Variants in MEGF9 observed in about 807,000 individuals in gnomAD.
MEGF9 encodes the protein multiple EGF like domains 9, also known as multiple epidermal growth factor-like domains protein 9.
In MEGF9, 6 loss-of-function variants were observed where a neutral mutation model predicts 46.8. The observed-to-expected ratio is 0.13, with a 90% CI of 0.07 to 0.25. The LOEUF is 0.25. MEGF9 is among the 10% of genes least tolerant of loss of function. The pLI is 1.00. For missense variants in MEGF9, 683 were observed against 792.4 expected (o/e 0.86, Z 1.66); for synonymous variants, 302 against 330.7 (o/e 0.91, Z 0.94).
chr9:120,647,950 T>C (rs190543187), intron 2 of MEGF9, among the ~76,000 whole-genome samples: 54 of 152,336 alleles, frequency 3.5e-4, no homozygotes, highest in Middle Eastern at 3.4e-3. Flanking sequence ...TCTCTCTCCA[T>C]AGACAAGCAA....
chr9:120,696,997 GAGA>G (rs1260510254), intron 1 of MEGF9, among the ~76,000 whole-genome samples: 1 of 152,210 alleles, frequency 6.6e-6, no homozygotes, highest in African/African-American at 2.4e-5. Context: ...TGAGTAAGGA[GAGA>G]AGTTTACAAA....
intron 1 of MEGF9, among the ~76,000 whole-genome samples, chr9:120,696,546 A>T (rs1289830026): frequency 6.6e-6 from 1 of 152,114 alleles, no homozygotes; most frequent in Non-Finnish European, 1.5e-5. Context: ...GTATCTGACA[A>T]AGAGTAACCT....
chr9:120,653,388 T>C (rs1234942071), intron 2 of MEGF9, among the ~76,000 whole-genome samples: 1 of 151,428 alleles, frequency 6.6e-6, no homozygotes, highest in African/African-American at 2.4e-5. Context: ...ATTTTTTTTT[T>C]TGAGACAGGG....
intron 1 of MEGF9, among the ~76,000 whole-genome samples, chr9:120,699,910 T>C (rs1224718805): frequency 2.0e-5 from 3 of 152,148 alleles, no homozygotes; most frequent in African/African-American, 7.2e-5. Context: ...AACACCATAA[T>C]TGTTAAATTA....
rs1332904158 is a variant in MEGF9, at chr9:120,640,848, A to G, written c.804-18093T>C. Among the ~76,000 whole-genome samples, 19 of 142,782 alleles carry G rather than the reference A, an allele frequency of 1.3e-4. No individual in the cohort carries two copies. The Admixed American group carries it at 1.4e-3, about 10-fold the overall frequency. 93.7% of individuals were successfully genotyped at this position (142,782 alleles called of 152,430 possible). A position where few individuals can be genotyped will look rare whatever the true frequency, so the allele number is the denominator to read the frequency against. On this transcript the variant is annotated intron_variant, in intron 2 of 5. Coordinates refer to ENST00000373930, the MANE Select transcript of MEGF9 (RefSeq NM_001080497.3). Reference sequence around the variant, plus strand: ...CCAATAGGTAGTTTTTCAACCCTTTACCCCCCGCCCACCCTCCCCCTTCTA... The same window carrying G: ...CCAATAGGTAGTTTTTCAACCCTTTGCCCCCCGCCCACCCTCCCCCTTCTA...
intron 1 of MEGF9, among the ~76,000 whole-genome samples, chr9:120,661,508 C>T (rs796769371): frequency 4.5e-4 from 68 of 152,260 alleles, no homozygotes; most frequent in African/African-American, 1.6e-3. Context: ...CAGAGTGAGA[C>T]CTGTCTCATA....
intron 1 of MEGF9, among the ~76,000 whole-genome samples, chr9:120,686,321 G>A (rs2043821973): frequency 1.3e-5 from 2 of 152,100 alleles, no homozygotes; most frequent in South Asian, 2.1e-4. Context: ...CTCGTGATCC[G>A]CCTGCCTCGG....
chr9:120,690,466 CTAA>C (rs1356995929), intron 1 of MEGF9, among the ~76,000 whole-genome samples: 1 of 152,096 alleles, frequency 6.6e-6, no homozygotes, highest in African/African-American at 2.4e-5. Flanking sequence ...CTCTAAAAGA[CTAA>C]TGTTTTGTAT....
At chr9:120,681,899 G>T (rs529227665) in intron 1 of MEGF9, among the ~76,000 whole-genome samples, 1 of 152,300 alleles carries the variant, frequency 6.6e-6, no homozygotes, top group South Asian at 2.1e-4. Flanking sequence ...AGGGACTTGG[G>T]TGCAAATCTG....
intron 2 of MEGF9, among the ~76,000 whole-genome samples, chr9:120,651,719 C>T (rs1215255476): frequency 2.7e-5 from 4 of 148,266 alleles, no homozygotes; most frequent in African/African-American, 1.0e-4. Context: ...ATGGCATGAT[C>T]TCGGCACACT....
At chr9:120,688,862 G>A (rs2043835978) in intron 1 of MEGF9, among the ~76,000 whole-genome samples, 1 of 152,158 alleles carries the variant, frequency 6.6e-6, no homozygotes. Flanking sequence ...ATGAATAGAA[G>A]ATAGAAAAAT....
chr9:120,714,014 G>A lies in MEGF9; in HGVS notation c.345C>T (p.Thr115=). Residue 115 remains threonine, a synonymous_variant, in exon 1 of 6, where the codon ACC becomes ACT. Transcript: ENST00000373930. ...GCGAGGGGCCGAGCGGCGCCTGAAA[G>A]GTGGTGGAAGAGGGTCCAGCAGTCG... The part of the protein sequence containing the change: ...LWATAGPSST[T]FQAPLGPSPT... 7.2e-7 allele frequency: 1 copy of A among 1,381,016 alleles called. No individual in the cohort carries two copies. Among genetic ancestry groups the A allele is most frequent in the Non-Finnish European group, 9.4e-7 (1 of 1,063,170 alleles). The allele number at this position is 1,381,016 out of a possible 1,614,324, so 85.5% of individuals were successfully genotyped here. A position where few individuals can be genotyped will look rare whatever the true frequency, so the allele number is the denominator to read the frequency against.
In MEGF9 at chr9:120,644,983, C is replaced by G. The variant is rs535381633; in HGVS notation, c.803+14391G>C. ...CTTTAGCAAGAGAAGTGTGCAATTG[C>G]TTTGCCATTTGGGTAGAGGTAGGAA... is the stretch of plus-strand genomic sequence containing the variant. On this transcript the variant is annotated intron_variant, in intron 2 of 5. Coordinates refer to ENST00000373930, the MANE Select transcript of MEGF9 (RefSeq NM_001080497.3). 2.6e-5 allele frequency among the ~76,000 whole-genome samples: 4 copies of G among 152,266 alleles called. No individual in the cohort carries two copies. The South Asian group carries it at 8.3e-4, about 32-fold the overall frequency.
chr9:120,714,068 G>A lies in MEGF9; in HGVS notation c.291C>T (p.Ala97=), dbSNP rs550850334. Residue 97 remains alanine (A), a synonymous_variant, in exon 1 of 6, where the codon GCC becomes GCT. Coordinates refer to ENST00000373930, the MANE Select transcript of MEGF9 (RefSeq NM_001080497.3). ...VHRPLAATSP[A]QSPETTPLWA... The stretch of plus-strand genomic sequence containing the variant: ...AAAGAGGGGTGGTCTCCGGGGACTG[G>A]GCTGGAGAAGTCGCAGCCAGGGGTC... The A allele has an allele frequency of 1.6e-6, 2 of 1,281,290 alleles. No homozygotes were observed. The highest frequency in any genetic ancestry group is 2.8e-5 in the South Asian group (1 of 35,168). 79.4% of individuals were successfully genotyped at this position (1,281,290 alleles called of 1,614,324 possible).
chr9:120,639,131 T>C (rs985791343), intron 2 of MEGF9, among the ~76,000 whole-genome samples: 9 of 152,214 alleles, frequency 5.9e-5, no homozygotes, highest in Non-Finnish European at 1.2e-4. Context: ...CAAACAGAAG[T>C]TTTCACTTTT....
At chr9:120,654,486 A>T (rs1490717440) in intron 2 of MEGF9, among the ~76,000 whole-genome samples, 1 of 152,216 alleles carries the variant, frequency 6.6e-6, no homozygotes, top group Admixed American at 6.5e-5. Context: ...ACTGCAACAT[A>T]TTACTCATGT....
chr9:120,647,147 T>G (rs560368828), intron 2 of MEGF9, among the ~76,000 whole-genome samples: 44 of 147,396 alleles, frequency 3.0e-4, no homozygotes, highest in Middle Eastern at 3.4e-3. Context: ...GAAAAAAGTT[T>G]TTTTTTTTTT....
At chr9:120,676,265 C>T (rs1453694275) in intron 1 of MEGF9, among the ~76,000 whole-genome samples, 1 of 151,924 alleles carries the variant, frequency 6.6e-6, no homozygotes, top group Non-Finnish European at 1.5e-5. Flanking sequence ...TCCATCTCTA[C>T]AAAAAAAACT....
chr9:120,686,280 C>T (rs2043821770), intron 1 of MEGF9, among the ~76,000 whole-genome samples: 1 of 151,982 alleles, frequency 6.6e-6, no homozygotes, highest in Non-Finnish European at 1.5e-5. Context: ...TTAGTAGAGA[C>T]GGGGTTTCAC....
Sources: gnomAD v4.1 joint callset for allele counts (sites outside exome capture counted in the v4.1 genomes callset) on GRCh38, gnomAD v4.1.1 for gene constraint, MANE v1.5 for transcripts, NCBI Gene and HGNC (gene_info 2026-07-23, HGNC 2026-07-21) for gene names.